MYO1D: variants seen among roughly 807,000 people sequenced by gnomAD.
The protein encoded by MYO1D is myosin ID.
A neutral mutation model predicts 122.0 loss-of-function variants in MYO1D; 83 were observed. The ratio of observed to expected loss-of-function variants is 0.68; its 90% CI spans 0.57 to 0.82. The LOEUF is 0.82. Among genes scored for constraint, MYO1D ranks in the 40% least tolerant of loss-of-function variants. MYO1D has a pLI of 0.00. For synonymous variants in MYO1D, 464 were observed against 446.9 expected (o/e 1.04, Z -0.48); for missense variants, 1,157 against 1,269.5 (o/e 0.91, Z 1.35).
intron 14 of MYO1D, among the ~76,000 whole-genome samples, chr17:32,722,985 C>T (rs2150992847): frequency 6.6e-6 from 1 of 152,212 alleles, no homozygotes; most frequent in South Asian, 2.1e-4. Context: ...TAAGCTTAAT[C>T]ATGTGACCAA....
chr17:32,559,742 T>G (rs1349837938), intron 21 of MYO1D, among the ~76,000 whole-genome samples: 1 of 152,232 alleles, frequency 6.6e-6, no homozygotes, highest in Non-Finnish European at 1.5e-5. Flanking sequence ...TTATCACATT[T>G]CATCATTTCC....
chr17:32,868,240 T>A (rs780501909), intron 1 of MYO1D, among the ~76,000 whole-genome samples: 23 of 152,326 alleles, frequency 1.5e-4, no homozygotes, highest in African/African-American at 2.4e-4. Context: ...GTATCTACTA[T>A]GCTTCAGCCA....
chr17:32,577,253 GA>G (rs201927518), intron 21 of MYO1D, among the ~76,000 whole-genome samples: 2,366 of 125,228 alleles, frequency 0.019, 35 homozygotes, highest in Admixed American at 0.057. Flanking sequence ...TCAGTCTCAG[GA>G]AAAAAAAAAA....
In MYO1D at chr17:32,771,135, G is replaced by C. The variant is rs2090108776; in HGVS notation, c.704C>G (p.Ala235Gly). The change falls in exon 6 of 22, where the codon GCT becomes GGT. Residue 235 changes from alanine (A) to glycine (G), a missense_variant. By Grantham distance (60) the Ala-to-Gly change is moderately conservative (BLOSUM62 0). Transcript: ENST00000318217. ...AGAGGAAATTCTCACCTTTAATTGA[G>C]CTCCCACATGAATATAGTTGTAGGA... Reference protein sequence around the residue: ...LSSYNYIHVGAQLKSSINDAA... With the variant: ...LSSYNYIHVGGQLKSSINDAA... 1 of 1,600,070 alleles carries C rather than the reference G, an allele frequency of 6.2e-7. No individual in the cohort carries two copies. The highest frequency in any genetic ancestry group is 1.3e-5 in the African/African-American group (1 of 74,558).
intron 1 of MYO1D, among the ~76,000 whole-genome samples, chr17:32,843,355 G>A (rs1280718461): frequency 1.3e-5 from 2 of 152,156 alleles, no homozygotes; most frequent in African/African-American, 2.4e-5. Context: ...ATACCACACT[G>A]AGTATCCATA....
chr17:32,555,940 C>T (rs1277209174), intron 21 of MYO1D, among the ~76,000 whole-genome samples: 3 of 152,216 alleles, frequency 2.0e-5, no homozygotes, highest in African/African-American at 7.2e-5. Flanking sequence ...TTGGCCTTCT[C>T]CCACCACTCT....
chr17:32,800,773 T>C (rs541255274), intron 1 of MYO1D, among the ~76,000 whole-genome samples: 8 of 152,222 alleles, frequency 5.3e-5, no homozygotes, highest in African/African-American at 1.9e-4. Flanking sequence ...AGTGGCGTAA[T>C]CATAGTTCAC....
chr17:32,688,515 T>C (rs761774932), intron 16 of MYO1D, among the ~76,000 whole-genome samples: 3 of 152,094 alleles, frequency 2.0e-5, no homozygotes, highest in Non-Finnish European at 4.4e-5. Context: ...AGCGGTCTGG[T>C]TGGGAGGACT....
At chr17:32,602,827 CACA>C (rs1229609062) in intron 21 of MYO1D, 1 of 152,084 alleles carries the variant, frequency 6.6e-6, no homozygotes, top group African/African-American at 2.4e-5. Context: ...GATTATGTGC[CACA>C]ACATCATGCT....
At chr17:32,599,566 C>T (rs2087537463) in intron 21 of MYO1D, among the ~76,000 whole-genome samples, 1 of 152,192 alleles carries the variant, frequency 6.6e-6, no homozygotes, top group African/African-American at 2.4e-5. Context: ...ATGGTGAATC[C>T]TTTTCAGAAG....
At chr17:32,702,264 T>C (rs935188913) in intron 16 of MYO1D, among the ~76,000 whole-genome samples, 2 of 152,214 alleles carry the variant, frequency 1.3e-5, no homozygotes, top group Non-Finnish European at 2.9e-5. Context: ...TGTATATACA[T>C]TATGCCTGCA....
At chr17:32,745,646 G>C (rs2089827829) in intron 12 of MYO1D, 1 of 183,876 alleles carries the variant, frequency 5.4e-6, no homozygotes, top group Non-Finnish European at 1.1e-5. Context: ...ACTTGCCTAA[G>C]GTTCACTCAG....
intron 1 of MYO1D, among the ~76,000 whole-genome samples, chr17:32,818,862 T>C (rs2090636452): frequency 6.6e-6 from 1 of 152,230 alleles, no homozygotes; most frequent in South Asian, 2.1e-4. Flanking sequence ...AAAATCCTTT[T>C]CACCTACAAA....
Position 32,768,883 on chromosome 17 carries a change from G to C in MYO1D, c.715-1131C>G, listed in dbSNP as rs571167965. Reference sequence around the variant, plus strand: ...CCATGTTGAAGTTGGAAAGTAACTGGATAAAATCTAAATGTCCTACTGTGG... The same window carrying C: ...CCATGTTGAAGTTGGAAAGTAACTGCATAAAATCTAAATGTCCTACTGTGG... On this transcript the variant is annotated intron_variant, in intron 6 of 21. Coordinates refer to ENST00000318217, the MANE Select transcript of MYO1D (RefSeq NM_015194.3). Among the ~76,000 whole-genome samples the C allele has an allele frequency of 7.2e-5, 11 of 152,208 alleles. No individual in the cohort carries two copies. The South Asian group carries it at 1.2e-3, about 17-fold the overall frequency.
In MYO1D at chr17:32,493,479, C is replaced by T. The variant is rs1908964139; in HGVS notation, c.*1280G>A. On this transcript the variant is annotated 3_prime_UTR_variant, in exon 22 of 22. Transcript: ENST00000318217. ...TCTCTTGCACCTCTGCCCACTCCAC[C>T]TGAGGCGTTGGCTCCCTCCCCCTCA... The T allele has an allele frequency of 6.6e-6, 1 of 152,506 alleles. No homozygotes were observed. Among genetic ancestry groups the T allele is most frequent in the Middle Eastern group, 3.4e-3 (1 of 294 alleles). 9.4% of individuals were successfully genotyped at this position (152,506 alleles called of 1,614,324 possible).
chr17:32,539,621 C>T (rs971550222), intron 21 of MYO1D, among the ~76,000 whole-genome samples: 4 of 152,206 alleles, frequency 2.6e-5, no homozygotes, highest in Non-Finnish European at 4.4e-5. Context: ...TTCCCACTGC[C>T]TTCTCTGTGA....
chr17:32,614,264 C>CA (rs2087744236), intron 20 of MYO1D, among the ~76,000 whole-genome samples: 1 of 150,446 alleles, frequency 6.6e-6, no homozygotes, highest in Admixed American at 6.6e-5. Context: ...CCCCGCCCCC[C>CA]ACACCCCGTC....
intron 21 of MYO1D, among the ~76,000 whole-genome samples, chr17:32,597,868 C>CAAAAA (rs755415435): frequency 1.3e-4 from 8 of 62,692 alleles, no homozygotes; most frequent in Non-Finnish European, 1.8e-4. Context: ...AACCCTGTCT[C>CAAAAA]AAAAAAAAAA....
intron 2 of MYO1D, among the ~76,000 whole-genome samples, chr17:32,780,084 C>A (rs2090219620): frequency 6.6e-6 from 1 of 151,982 alleles, no homozygotes; most frequent in Non-Finnish European, 1.5e-5. Flanking sequence ...CTATCTCGTG[C>A]CTATCTCCCC....
Sources: allele counts gnomAD v4.1 joint callset (sites outside exome capture counted in the v4.1 genomes callset), GRCh38; gene constraint gnomAD v4.1.1; transcripts MANE v1.5; gene names NCBI Gene and HGNC (gene_info 2026-07-23, HGNC 2026-07-21).